Variants in MACROD2 observed in about 807,000 individuals in gnomAD.
The protein encoded by MACROD2 is mono-ADP ribosylhydrolase 2, also known as ADP-ribose glycohydrolase MACROD2.
MACROD2 carries 36 observed loss-of-function variants against 70.4 expected under a neutral mutation model. The ratio of observed to expected loss-of-function variants is 0.51; its 90% CI spans 0.39 to 0.68. MACROD2 has a LOEUF of 0.68. MACROD2 is among the 30% of genes least tolerant of loss of function. The pLI is 0.00. For synonymous variants in MACROD2, 172 were observed against 178.8 expected (o/e 0.96, Z 0.30); for missense variants, 496 against 538.4 (o/e 0.92, Z 0.78).
rs536740025 is a variant in MACROD2 at position 14,268,572 on chromosome 20, A to G, written c.271+182844A>G. Among the ~76,000 whole-genome samples, 6 of 152,244 alleles carry G rather than the reference A, an allele frequency of 3.9e-5. No homozygotes were observed. In the South Asian group the frequency reaches 1.0e-3, roughly 26 times the overall value. On this transcript the variant is annotated intron_variant, in intron 3 of 17. Transcript: ENST00000684519. ...GGAAAATTTCCATAGATGATGGTAT[A>G]TATTTCATAGGTTATGCTCTATAAA...
At chr20:15,843,000 C>T (rs902359973) in intron 8 of MACROD2, among the ~76,000 whole-genome samples, 2 of 152,146 alleles carry the variant, frequency 1.3e-5, no homozygotes, top group African/African-American at 4.8e-5. Context: ...AGAAAAGAGA[C>T]AGGAAACAGT....
intron 5 of MACROD2, among the ~76,000 whole-genome samples, chr20:14,858,449 A>G (rs1441900084): frequency 1.3e-5 from 2 of 152,156 alleles, no homozygotes; most frequent in African/African-American, 4.8e-5. Flanking sequence ...ACTTTGTGGT[A>G]GAAAAGAAAA....
At chr20:15,463,769 A>T (rs1223289405) in intron 7 of MACROD2, among the ~76,000 whole-genome samples, 1 of 152,090 alleles carries the variant, frequency 6.6e-6, no homozygotes, top group South Asian at 2.1e-4. Context: ...CAAACAAAAA[A>T]CTTTAAAAAC....
chr20:15,670,751 C>A, intron 8 of MACROD2, among the ~76,000 whole-genome samples: 1 of 152,230 alleles, frequency 6.6e-6, no homozygotes, highest in South Asian at 2.1e-4. Flanking sequence ...ATATCATATT[C>A]ATATATATCA....
At chr20:15,072,395 A>G (rs577326827) in intron 5 of MACROD2, among the ~76,000 whole-genome samples, 1 of 152,316 alleles carries the variant, frequency 6.6e-6, no homozygotes, top group South Asian at 2.1e-4. Flanking sequence ...AATCATCTAG[A>G]TAGTAGAGGC....
intron 8 of MACROD2, among the ~76,000 whole-genome samples, chr20:15,744,547 T>C (rs1476956147): frequency 6.6e-6 from 1 of 152,170 alleles, no homozygotes; most frequent in East Asian, 1.9e-4. Context: ...TGTCAAATTT[T>C]TGATTCTGGC....
intron 5 of MACROD2, among the ~76,000 whole-genome samples, chr20:14,923,220 CCCTAAAGTTCAGT>C (rs1346336551): frequency 1.3e-5 from 2 of 152,118 alleles, no homozygotes; most frequent in Non-Finnish European, 2.9e-5. Flanking sequence ...TACTGAAGAG[CCCTAAAGTTCAGT>C]CCTTGAACTC....
intron 6 of MACROD2, among the ~76,000 whole-genome samples, chr20:15,341,486 A>G (rs1037356574): frequency 2.6e-5 from 4 of 152,236 alleles, no homozygotes; most frequent in African/African-American, 9.6e-5. Context: ...AGAGAATTCT[A>G]TATACTTGGG....
At chr20:15,779,907 T>C (rs2051800668) in intron 8 of MACROD2, among the ~76,000 whole-genome samples, 1 of 152,132 alleles carries the variant, frequency 6.6e-6, no homozygotes, top group African/African-American at 2.4e-5. Flanking sequence ...ATTGCTATGT[T>C]CTGCTGTGCC....
At chr20:14,491,135 T>C (rs1349044139) in intron 3 of MACROD2, among the ~76,000 whole-genome samples, 1 of 152,184 alleles carries the variant, frequency 6.6e-6, no homozygotes, top group Non-Finnish European at 1.5e-5. Context: ...CTAATGAATG[T>C]TGGATAACCA....
chr20:14,930,766 T>TAAAA (rs11474347), intron 5 of MACROD2, among the ~76,000 whole-genome samples: 953 of 71,622 alleles, frequency 0.013, 27 homozygotes, highest in African/African-American at 0.033. Flanking sequence ...GAGCGTGTCT[T>TAAAA]AAAAAAAAAA....
intron 8 of MACROD2, among the ~76,000 whole-genome samples, chr20:15,760,513 T>C (rs1010954883): frequency 2.0e-5 from 3 of 152,244 alleles, no homozygotes; most frequent in South Asian, 4.2e-4. Flanking sequence ...ATCTTGGTCA[T>C]TGGGACAGGA....
At chr20:15,944,311 A>G (rs1355971586) in intron 12 of MACROD2, among the ~76,000 whole-genome samples, 2 of 152,180 alleles carry the variant, frequency 1.3e-5, no homozygotes, top group Non-Finnish European at 2.9e-5. Flanking sequence ...AGAAGGAAGG[A>G]AAAATATCAC....
At chr20:15,137,613 G>A (rs2076159771) in intron 5 of MACROD2, among the ~76,000 whole-genome samples, 1 of 150,408 alleles carries the variant, frequency 6.6e-6, no homozygotes, top group African/African-American at 2.5e-5. Context: ...AATGCTACAT[G>A]ATGAGTTAAT....
intron 12 of MACROD2, 145 bp from the exon 13 acceptor site, chr20:15,967,408 T>A (rs2066156698): frequency 1.7e-6 from 1 of 602,194 alleles, no homozygotes; most frequent in African/African-American, 1.9e-5. Flanking sequence ...GCCTATTTAT[T>A]GGCAAACATA....
intron 3 of MACROD2, among the ~76,000 whole-genome samples, chr20:14,428,166 A>G (rs1600228226): frequency 1.3e-5 from 2 of 152,132 alleles, no homozygotes; most frequent in African/African-American, 4.8e-5. Flanking sequence ...TGAAATACAG[A>G]TGGAGAGAAA....
intron 3 of MACROD2, among the ~76,000 whole-genome samples, chr20:14,247,488 C>G (rs1421527057): frequency 1.3e-5 from 2 of 152,026 alleles, no homozygotes; most frequent in African/African-American, 2.4e-5. Context: ...GAAGTCATTT[C>G]CTTTATTTTA....
In MACROD2 at chr20:15,158,961, C is replaced by T. The variant is rs142611245; in HGVS notation, c.419-70979C>T. On this transcript the variant is annotated intron_variant, in intron 5 of 17. Transcript: ENST00000684519. ...TTTTCCTTTAATCTCCATTTCTTGC[C>T]AATCCAATGTATTTTTCTCCCTCAA... Among the ~76,000 whole-genome samples the T allele has an allele frequency of 8.5e-4, 129 of 152,178 alleles. 1 individual carries two copies. The highest frequency in any genetic ancestry group is 2.6e-3 in the African/African-American group (107 of 41,542).
At chr20:14,944,317 C>A (rs960070532) in intron 5 of MACROD2, among the ~76,000 whole-genome samples, 1 of 152,144 alleles carries the variant, frequency 6.6e-6, no homozygotes, top group African/African-American at 2.4e-5. Context: ...GAATTCTTAT[C>A]AAAGATTGTA....
Sources: allele counts gnomAD v4.1 joint callset (sites outside exome capture counted in the v4.1 genomes callset), GRCh38; gene constraint gnomAD v4.1.1; transcripts MANE v1.5; gene names NCBI Gene and HGNC (gene_info 2026-07-23, HGNC 2026-07-21).